The following FKBP4 variants were observed in gnomAD, a reference collection of about 807,000 sequenced individuals.
The protein encoded by FKBP4 is FKBP prolyl isomerase 4.
Under a neutral mutation model 54.1 loss-of-function variants are expected in FKBP4, and 28 were observed. The observed-to-expected ratio is 0.52, with a 90% CI of 0.38 to 0.71. The LOEUF (loss-of-function observed/expected upper bound fraction) is 0.71, where lower values mean the gene tolerates loss of function less well. Among genes scored for constraint, FKBP4 ranks in the 30% least tolerant of loss-of-function variants. FKBP4 has a pLI of 0.00. For synonymous variants in FKBP4, 223 were observed against 216.1 expected (o/e 1.03, Z -0.28); for missense variants, 493 against 574.4 (o/e 0.86, Z 1.45).
At position 2,800,374 on chromosome 12, in the gene FKBP4, G is replaced by A. The variant is rs1037905007; in HGVS notation, c.847-18G>A. ...CACTGAAACTGTGCCAGGTGCCTGA[G>A]CCTCTCTCCCATTCCAGGAAGGTAA... On this transcript the variant is annotated intron_variant, in intron 7 of 9. Transcript: ENST00000001008. The A allele has an allele frequency of 1.9e-6, 3 of 1,598,938 alleles. No individual in the cohort carries two copies. Among genetic ancestry groups the A allele is most frequent in the Non-Finnish European group, 2.6e-6 (3 of 1,172,424 alleles).
Position 2,800,511 on chromosome 12 carries a change from C to T in FKBP4, c.966C>T (p.His322=). The change falls in exon 8 of 10, where the codon CAC becomes CAT. Residue 322 remains histidine (H), a synonymous_variant. Transcript: ENST00000001008. ...QKAQALRLAS[H]LNLAMCHLKL... is the part of the protein sequence containing the mutation. ...CACAGGCCCTTCGACTGGCCTCTCA[C>T]CTCAACCTGGCCATGTGTCATCTGA... 2 of 1,614,186 alleles carry T rather than the reference C, an allele frequency of 1.2e-6. No individual in the cohort carries two copies.
intron 3 of FKBP4, 36 bp downstream of exon 3, chr12:2,797,907 C>T: frequency 6.9e-6 from 11 of 1,591,622 alleles, no homozygotes; most frequent in Non-Finnish European, 9.4e-6. Flanking sequence ...GGCTAAGAGC[C>T]AGGCCTTATC....
rs1278543878 is a variant in FKBP4 at position 2,801,312 on chromosome 12, C to T, written c.1228C>T (p.Leu410Phe). ...AAGGCAGCTTGCCCGGGAGAAGAAG[C>T]TCTATGCCAATATGTTTGAGAGGCT... ...IRRQLAREKK[L>F]YANMFERLAE... The change falls in exon 9 of 10, where the codon CTC becomes TTC. Residue 410 changes from leucine (L) to phenylalanine (F), a missense_variant. Physicochemically the swap from Leu to Phe is conservative, Grantham distance 22. Transcript: ENST00000001008. The T allele has an allele frequency of 8.1e-6, 13 of 1,614,170 alleles. No homozygotes were observed. The highest frequency in any genetic ancestry group is 1.1e-5 in the South Asian group (1 of 91,084).
At chr12:2,800,631 G>A (rs908165102) in intron 8 of FKBP4, 54 bp downstream of exon 8, 4 of 1,509,508 alleles carry the variant, frequency 2.6e-6, no homozygotes, top group East Asian at 2.3e-5. Flanking sequence ...AGTTGGGTGA[G>A]CTGCCAGCAT....
At chr12:2,797,959 T>C (rs1299979888) in intron 3 of FKBP4, 88 bp downstream of exon 3, 22 of 1,492,128 alleles carry the variant, frequency 1.5e-5, no homozygotes, top group Admixed American at 5.6e-5. Flanking sequence ...TCCTGCTTCT[T>C]GGAGACAATG....
chr12:2,795,968 G>A lies in FKBP4; in HGVS notation c.105+724G>A. On this transcript the variant is annotated intron_variant, in intron 1 of 9. Transcript: ENST00000001008. This position sits in a 1 kb window ranked among gnomAD's most constrained non-coding sequence, Gnocchi z 4.3. ...CGCCTCCCGGAGCCAGGGCTGCGGG[G>A]TGTGGGGCGGGGAGGAGGCGCTCTG... The A allele has an allele frequency of 9.4e-7, 1 of 1,067,258 alleles. No homozygotes were observed. Among genetic ancestry groups the A allele is most frequent in the Non-Finnish European group, 1.1e-6 (1 of 876,382 alleles). The allele number at this position is 1,067,258 out of a possible 1,614,324, so 66.1% of individuals were successfully genotyped here.
rs767687096 is a variant in FKBP4, at chr12:2,798,697, G to C, written c.394-9G>C. 2 of 1,613,264 alleles carry C rather than the reference G, an allele frequency of 1.2e-6. No homozygotes were observed. The highest frequency in any genetic ancestry group is 1.1e-5 in the South Asian group (1 of 91,038). ...ATGGGAAGGAATTGTGTCACATCTT[G>C]TCCCACAGGTGGAGTTGTTTGAGTT... On this transcript the variant is annotated splice_polypyrimidine_tract_variant and intron_variant, in intron 3 of 9. Transcript: ENST00000001008. This position sits in a 1 kb window ranked among gnomAD's most constrained non-coding sequence, Gnocchi z 4.3.
Position 2,795,382 on chromosome 12 carries a change from G to A in FKBP4, c.105+138G>A, listed in dbSNP as rs1259440838. ...CCTCGCGGCCGTCCCGCCGGGGGCCGGTGGCATCGCCGTCCCGGACCGGGC... is the reference window on the plus strand; with the variant it reads ...CCTCGCGGCCGTCCCGCCGGGGGCCAGTGGCATCGCCGTCCCGGACCGGGC... On this transcript the variant is annotated intron_variant, in intron 1 of 9. Transcript: ENST00000001008. The surrounding 1 kb of genome is among the most constrained non-coding windows in gnomAD (Gnocchi z 4.3). The A allele has an allele frequency of 1.4e-5, 3 of 217,476 alleles. No individual in the cohort carries two copies. The highest frequency in any genetic ancestry group is 2.4e-5 in the Non-Finnish European group (3 of 124,894). 13.5% of individuals were successfully genotyped at this position (217,476 alleles called of 1,614,324 possible).
At chr12:2,797,427 T>TC in intron 2 of FKBP4, 145 bp downstream of exon 2, 1 of 943,744 alleles carries the variant, frequency 1.1e-6, no homozygotes, top group Non-Finnish European at 1.6e-6. Flanking sequence ...TTTTTTTTTT[T>TC]CTACCGTTCT....
At chr12:2,796,363 T>C (rs2097901857) in intron 1 of FKBP4, 1 of 1,289,272 alleles carries the variant, frequency 7.8e-7, no homozygotes. Context: ...GAGATTGTTA[T>C]TCCAGGAAAG....
Position 2,801,321 on chromosome 12 carries a change from A to T in FKBP4, c.1237A>T (p.Asn413Tyr). The change falls in exon 9 of 10, where the codon AAT becomes TAT. Residue 413 changes from asparagine (N) to tyrosine (Y), a missense_variant. By Grantham distance (143) the Asn-to-Tyr change is moderately radical. Coordinates refer to ENST00000001008, the MANE Select transcript of FKBP4 (RefSeq NM_002014.4). ...QLAREKKLYA[N>Y]MFERLAEEEN... is the part of the protein sequence containing the mutation. ...TGCCCGGGAGAAGAAGCTCTATGCC[A>T]ATATGTTTGAGAGGCTGGCTGAGGA... The T allele has an allele frequency of 6.2e-7, 1 of 1,614,130 alleles. No individual in the cohort carries two copies. The highest frequency in any genetic ancestry group is 1.3e-5 in the African/African-American group (1 of 75,032).
chr12:2,798,913 C>G lies in FKBP4; in HGVS notation c.514+87C>G. The stretch of plus-strand genomic sequence containing the variant: ...GGGCAAGACACTTCCGTTCTCCGAG[C>G]CTATCTTCTTGTCCATAAAATGAGG... On this transcript the variant is annotated intron_variant, in intron 4 of 9. Transcript: ENST00000001008. This position sits in a 1 kb window ranked among gnomAD's most constrained non-coding sequence, Gnocchi z 4.3. 1.3e-6 allele frequency: 2 copies of G among 1,487,814 alleles called. No homozygotes were observed. The highest frequency in any genetic ancestry group is 1.9e-6 in the Non-Finnish European group (2 of 1,076,570). The allele number at this position is 1,487,814 out of a possible 1,614,324, so 92.2% of individuals were successfully genotyped here.
chr12:2,796,380 TC>T, intron 1 of FKBP4: 1 of 1,289,094 alleles, frequency 7.8e-7, no homozygotes, highest in Non-Finnish European at 1.0e-6. Context: ...AAAGCTCATT[TC>T]CCCTTTGATC....
intron 9 of FKBP4, 134 bp from the exon 10 acceptor site, chr12:2,803,017 C>A: frequency 1.6e-6 from 1 of 633,710 alleles, no homozygotes; most frequent in Non-Finnish European, 2.8e-6. Flanking sequence ...CATAAGCCAC[C>A]AGGCTTGGCC....
chr12:2,797,113 C>T, intron 1 of FKBP4, 25 bp from the exon 2 acceptor site: 2 of 1,611,696 alleles, frequency 1.2e-6, no homozygotes, highest in Non-Finnish European at 1.7e-6. Context: ...CCCTGGGGTA[C>T]TCACTTTCTC....
intron 2 of FKBP4, among the ~76,000 whole-genome samples, chr12:2,797,514 C>T (rs972267812): frequency 6.6e-6 from 1 of 151,736 alleles, no homozygotes; most frequent in Non-Finnish European, 1.5e-5. Context: ...GGTGGACTGT[C>T]TTGCATCTTA....
In FKBP4 at chr12:2,804,130, C is replaced by T. The variant is rs1393389287; in HGVS notation, c.*872C>T. The stretch of plus-strand genomic sequence containing the variant: ...ACCATGCATGGCTTCCTGAGCACTG[C>T]ACAGGCTGCCGCTGGGATTTGTGTC... On this transcript the variant is annotated 3_prime_UTR_variant, in exon 10 of 10. Coordinates refer to ENST00000001008, the MANE Select transcript of FKBP4 (RefSeq NM_002014.4). The T allele has an allele frequency of 6.6e-6, 1 of 152,512 alleles. No individual in the cohort carries two copies. The highest frequency in any genetic ancestry group is 1.5e-5 in the Non-Finnish European group (1 of 68,060). 9.4% of individuals were successfully genotyped at this position (152,512 alleles called of 1,614,324 possible).
rs1048534403 is a variant in FKBP4 at position 2,803,319 on chromosome 12, G to C, written c.*61G>C. 14 of 1,190,334 alleles carry C rather than the reference G, an allele frequency of 1.2e-5. No individual in the cohort carries two copies. Among genetic ancestry groups the C allele is most frequent in the Non-Finnish European group, 1.7e-5 (14 of 834,042 alleles). 73.7% of individuals were successfully genotyped at this position (1,190,334 alleles called of 1,614,324 possible). On this transcript the variant is annotated 3_prime_UTR_variant, in exon 10 of 10. Coordinates refer to ENST00000001008, the MANE Select transcript of FKBP4 (RefSeq NM_002014.4). ...CCCCCCAGTCTCCCCACTCCACCCT[G>C]TTAGTTTTGTAAAAACTGAAGAATT...
chr12:2,798,653 T>G lies in FKBP4; in HGVS notation c.394-53T>G. On this transcript the variant is annotated intron_variant, in intron 3 of 9. Transcript: ENST00000001008. This position sits in a 1 kb window ranked among gnomAD's most constrained non-coding sequence, Gnocchi z 4.3. ...TCTCTCGGATGAGAAAGATTGTGTT[T>G]CACTGCCCATGAGTTAGCATGGGAA... 1 of 1,610,844 alleles carries G rather than the reference T, an allele frequency of 6.2e-7. No individual in the cohort carries two copies. Among genetic ancestry groups the G allele is most frequent in the Non-Finnish European group, 8.5e-7 (1 of 1,178,858 alleles).
Sources: allele counts gnomAD v4.1 joint callset (sites outside exome capture counted in the v4.1 genomes callset), GRCh38; gene constraint gnomAD v4.1.1; non-coding constraint Gnocchi (gnomAD v3.1); transcripts MANE v1.5; gene names NCBI Gene and HGNC (gene_info 2026-07-23, HGNC 2026-07-21).